The following SLC9A9 variants were observed in gnomAD, a reference collection of about 807,000 sequenced individuals.
SLC9A9 encodes the protein sodium/hydrogen exchanger 9.
In SLC9A9, 62 loss-of-function variants were observed where a neutral mutation model predicts 77.8. The observed-to-expected ratio is 0.80, with a 90% CI of 0.65 to 0.98. The LOEUF is 0.98. Among genes scored for constraint, SLC9A9 ranks in the 50% least tolerant of loss-of-function variants. The pLI is 0.00. For synonymous variants in SLC9A9, 320 were observed against 283.5 expected (o/e 1.13, Z -1.29); for missense variants, 775 against 774.9 (o/e 1.00, Z 0.00).
intron 4 of SLC9A9, among the ~76,000 whole-genome samples, chr3:143,733,228 G>T (rs1237885100): frequency 6.6e-6 from 1 of 151,952 alleles, no homozygotes; most frequent in Non-Finnish European, 1.5e-5. Context: ...AGGCCATAAA[G>T]GACCAGGTCA....
intron 14 of SLC9A9, among the ~76,000 whole-genome samples, chr3:143,326,194 C>T (rs545831517): frequency 2.6e-5 from 4 of 152,192 alleles, no homozygotes; most frequent in South Asian, 2.1e-4. Context: ...CTTGAGGCAT[C>T]GAGGTCACCA....
intron 11 of SLC9A9, among the ~76,000 whole-genome samples, chr3:143,483,213 A>G (rs375847234): frequency 9.9e-5 from 15 of 152,276 alleles, no homozygotes; most frequent in African/African-American, 3.6e-4. Context: ...CAGAAAGTAA[A>G]TCAGGTGGGA....
intron 6 of SLC9A9, among the ~76,000 whole-genome samples, chr3:143,605,477 C>A (rs1446933988): frequency 1.3e-5 from 2 of 152,206 alleles, no homozygotes; most frequent in African/African-American, 4.8e-5. Context: ...GGAACATGAA[C>A]TTTCTGGTTA....
chr3:143,274,640 G>T (rs973952745), intron 14 of SLC9A9, among the ~76,000 whole-genome samples: 1 of 152,116 alleles, frequency 6.6e-6, no homozygotes, highest in Non-Finnish European at 1.5e-5. Context: ...CCATGCCACT[G>T]GTTATAGATC....
chr3:143,464,681 A>T (rs529742407), intron 12 of SLC9A9, among the ~76,000 whole-genome samples: 1 of 152,294 alleles, frequency 6.6e-6, no homozygotes, highest in East Asian at 1.9e-4. Flanking sequence ...GGGACCAGCA[A>T]CAGAGGCATT....
At chr3:143,446,499 A>G (rs549846648) in intron 12 of SLC9A9, among the ~76,000 whole-genome samples, 1 of 152,274 alleles carries the variant, frequency 6.6e-6, no homozygotes, top group Admixed American at 6.5e-5. Context: ...ATTGATGAGC[A>G]GCTCCTAAAG....
Position 143,268,730 on chromosome 3 carries a change from C to T in SLC9A9, c.1710+145G>A, listed in dbSNP as rs1172091119. The T allele has an allele frequency of 3.2e-5, 14 of 442,346 alleles. No individual in the cohort carries two copies. In the Admixed American group the frequency reaches 6.4e-4, roughly 20 times the overall value. 27.4% of individuals were successfully genotyped at this position (442,346 alleles called of 1,614,324 possible). On this transcript the variant is annotated intron_variant, in intron 15 of 15. Transcript: ENST00000316549. ...CCTGGGCAACAGAGCAAGACTCCGTCTCAAAAAAAAAAAAAAAAAAAAAAA... is the reference window on the plus strand; with the variant it reads ...CCTGGGCAACAGAGCAAGACTCCGTTTCAAAAAAAAAAAAAAAAAAAAAAA...
chr3:143,449,699 T>TTA (rs1553756052), intron 12 of SLC9A9, among the ~76,000 whole-genome samples: 1 of 82,198 alleles, frequency 1.2e-5, no homozygotes, highest in Non-Finnish European at 2.0e-5. Context: ...TATAATTATA[T>TTA]TATATAATTA....
chr3:143,266,701 A>ATTAATTCAACTGGGAT lies in SLC9A9; in HGVS notation c.1923_1938dup, dbSNP rs757029074. The ATTAATTCAACTGGGAT allele has an allele frequency of 6.2e-6, 10 of 1,614,008 alleles. No individual in the cohort carries two copies. Among genetic ancestry groups the ATTAATTCAACTGGGAT allele is most frequent in the Non-Finnish European group, 8.5e-6 (10 of 1,180,014 alleles). On this transcript the variant is annotated 3_prime_UTR_variant, in exon 16 of 16. Coordinates refer to ENST00000316549, the MANE Select transcript of SLC9A9 (RefSeq NM_173653.4). ...GATTACATCTGTACTCTTCATGCCA[A>ATTAATTCAACTGGGAT]TTAATTCAACTGGGATTGACCCAAA...
intron 9 of SLC9A9, among the ~76,000 whole-genome samples, chr3:143,497,342 A>G (rs2035852591): frequency 6.6e-6 from 1 of 152,122 alleles, no homozygotes; most frequent in Admixed American, 6.5e-5. Flanking sequence ...CTCTCAGCCC[A>G]TGTGTTCATG....
At chr3:143,299,795 G>A (rs2030439047) in intron 14 of SLC9A9, among the ~76,000 whole-genome samples, 1 of 152,004 alleles carries the variant, frequency 6.6e-6, no homozygotes, top group South Asian at 2.1e-4. Context: ...CCTGGTTATG[G>A]GCCCATACTT....
Position 143,734,964 on chromosome 3 carries a change from A to C in SLC9A9, c.534-41657T>G, listed in dbSNP as rs192023449. On this transcript the variant is annotated intron_variant, in intron 4 of 15. Coordinates refer to ENST00000316549, the MANE Select transcript of SLC9A9 (RefSeq NM_173653.4). ...GACTGTGAATTGTGTTGTCACCTGC[A>C]CTTTGATTGAGATACATTGATTCAA... Among the ~76,000 whole-genome samples the C allele has an allele frequency of 3.0e-4, 46 of 152,292 alleles. No individual in the cohort carries two copies. The East Asian group carries it at 8.9e-3, about 29-fold the overall frequency.
chr3:143,353,687 A>G (rs74861834), intron 14 of SLC9A9, among the ~76,000 whole-genome samples: 2,378 of 152,218 alleles, frequency 0.016, 22 homozygotes, highest in African/African-American at 0.018. Context: ...AATCTACCTC[A>G]TTAGGATGCT....
chr3:143,320,557 T>C (rs1209536807), intron 14 of SLC9A9, among the ~76,000 whole-genome samples: 1 of 151,956 alleles, frequency 6.6e-6, no homozygotes, highest in Non-Finnish European at 1.5e-5. Context: ...CAGCACATGG[T>C]GGAGGGTAAG....
In SLC9A9 at chr3:143,451,911, G is replaced by A. The variant is rs1344538013; in HGVS notation, c.1469+15126C>T. Among the ~76,000 whole-genome samples the A allele has an allele frequency of 2.6e-5, 4 of 152,002 alleles. 1 individual carries two copies. The highest frequency in any genetic ancestry group is 5.9e-5 in the Non-Finnish European group (4 of 67,992). ...TATATATGATTAATAATATAGAAATGTAAGGCCTTGATTACAAAAAATTAC... is the reference window on the plus strand; with the variant it reads ...TATATATGATTAATAATATAGAAATATAAGGCCTTGATTACAAAAAATTAC... On this transcript the variant is annotated intron_variant, in intron 12 of 15. Coordinates refer to ENST00000316549, the MANE Select transcript of SLC9A9 (RefSeq NM_173653.4).
At chr3:143,418,856 G>A (rs1166121232) in intron 12 of SLC9A9, among the ~76,000 whole-genome samples, 1 of 152,144 alleles carries the variant, frequency 6.6e-6, no homozygotes, top group Non-Finnish European at 1.5e-5. Flanking sequence ...GCATGGAGTT[G>A]CTTTCTGATT....
chr3:143,565,484 A>G (rs573601105), intron 8 of SLC9A9, among the ~76,000 whole-genome samples: 84 of 152,272 alleles, frequency 5.5e-4, no homozygotes, highest in Admixed American at 1.6e-3. Flanking sequence ...TGCTTTAGCT[A>G]TATGTGCAGG....
chr3:143,761,612 A>G (rs1229693442), intron 4 of SLC9A9, among the ~76,000 whole-genome samples: 1 of 152,236 alleles, frequency 6.6e-6, no homozygotes, highest in East Asian at 1.9e-4. Context: ...ACTGGCCATC[A>G]GAGAAATGCA....
intron 11 of SLC9A9, among the ~76,000 whole-genome samples, chr3:143,492,064 G>A (rs1212958829): frequency 6.6e-6 from 1 of 151,816 alleles, no homozygotes; most frequent in Non-Finnish European, 1.5e-5. Flanking sequence ...AGGCCGGGGC[G>A]GGTGGATCAC....
Sources: allele counts gnomAD v4.1 joint callset (sites outside exome capture counted in the v4.1 genomes callset), GRCh38; gene constraint gnomAD v4.1.1; transcripts MANE v1.5; gene names NCBI Gene and HGNC (gene_info 2026-07-23, HGNC 2026-07-21).